ACACA: variants seen among roughly 807,000 people sequenced by gnomAD.
ACACA encodes the protein acetyl-CoA carboxylase 1.
A neutral mutation model predicts 296.1 loss-of-function variants in ACACA; 103 were observed. The observed-to-expected ratio is 0.35, with a 90% CI of 0.30 to 0.41. The LOEUF is 0.41. Ranked by LOEUF, ACACA falls within the 10% of genes least tolerant of loss-of-function variation. The pLI, the probability that ACACA is intolerant of heterozygous loss-of-function variation, is 1.00. For missense variants in ACACA, 1,554 were observed against 2,989.7 expected (o/e 0.52, Z 11.20); for synonymous variants, 953 against 1,038.6 (o/e 0.92, Z 1.58).
intron 3 of ACACA, among the ~76,000 whole-genome samples, chr17:37,309,533 G>A (rs2084036352): frequency 6.6e-6 from 1 of 152,160 alleles, no homozygotes; most frequent in African/African-American, 2.4e-5. Flanking sequence ...CCTCTTTGGG[G>A]AAATGATATT....
intron 1 of ACACA, among the ~76,000 whole-genome samples, chr17:37,390,545 T>A (rs928919596): frequency 8.1e-5 from 12 of 148,940 alleles, no homozygotes; most frequent in Non-Finnish European, 1.8e-4. Context: ...GAGAATTGCT[T>A]GAACCCAGGA....
At chr17:37,396,111 G>A (rs968944579) in intron 1 of ACACA, among the ~76,000 whole-genome samples, 1 of 152,038 alleles carries the variant, frequency 6.6e-6, no homozygotes, top group African/African-American at 2.4e-5. Flanking sequence ...GGGCCGAGTC[G>A]GGTGGATCAT....
At chr17:37,159,656 A>G (rs2076387650) in intron 42 of ACACA, among the ~76,000 whole-genome samples, 1 of 152,254 alleles carries the variant, frequency 6.6e-6, no homozygotes, top group Non-Finnish European at 1.5e-5. Context: ...AAGTTTTTCT[A>G]TGAACTTTAT....
chr17:37,165,886 A>T (rs2076647036), intron 41 of ACACA, among the ~76,000 whole-genome samples: 1 of 152,098 alleles, frequency 6.6e-6, no homozygotes, highest in Admixed American at 6.5e-5. Context: ...CATGTTGCCC[A>T]GGCTGGTCTC....
rs138157922 is a variant in ACACA at position 37,382,969 on chromosome 17, G to A, written c.38+23293C>T. ...GAAGAATGACTTGAACCCGGGAGGC[G>A]GAGGTTGCAGTGAGCCAAGATCACA... On this transcript the variant is annotated intron_variant, in intron 1 of 55. Coordinates refer to ENST00000616317, the MANE Select transcript of ACACA (RefSeq NM_198834.3). 4.6e-3 allele frequency among the ~76,000 whole-genome samples: 703 copies of A among 152,252 alleles called. 6 individuals carry two copies. The highest frequency in any genetic ancestry group is 0.016 in the African/African-American group (677 of 41,548).
intron 3 of ACACA, among the ~76,000 whole-genome samples, chr17:37,327,521 A>T (rs72828223): frequency 0.025 from 3,782 of 152,328 alleles, 58 homozygotes; most frequent in Non-Finnish European, 0.037. Context: ...ATGCAAAGAA[A>T]TTCCAGACAC....
At chr17:37,350,991 G>A (rs978274123) in intron 1 of ACACA, among the ~76,000 whole-genome samples, 3 of 149,098 alleles carry the variant, frequency 2.0e-5, no homozygotes, top group African/African-American at 7.4e-5. Context: ...AAATTAGAGG[G>A]GCGTGGTGGA....
chr17:37,376,509 G>A (rs2050008617), intron 1 of ACACA, among the ~76,000 whole-genome samples: 1 of 152,138 alleles, frequency 6.6e-6, no homozygotes, highest in Non-Finnish European at 1.5e-5. Context: ...TTTTAAGTTG[G>A]TACATGTAAA....
chr17:37,321,577 G>A (rs1023569831), intron 3 of ACACA, among the ~76,000 whole-genome samples: 2 of 151,952 alleles, frequency 1.3e-5, no homozygotes, highest in East Asian at 1.9e-4. Context: ...GAGAAACCCC[G>A]TCTCTACTAA....
At chr17:37,239,150 C>T (rs2080266455) in intron 24 of ACACA, among the ~76,000 whole-genome samples, 1 of 151,282 alleles carries the variant, frequency 6.6e-6, no homozygotes, top group Non-Finnish European at 1.5e-5. Flanking sequence ...TTTTTTTTTT[C>T]CTGAACTGCT....
Position 37,248,030 on chromosome 17 carries a change from T to C in ACACA, c.2290A>G (p.Met764Val). 3 of 1,614,178 alleles carry C rather than the reference T, an allele frequency of 1.9e-6. No individual in the cohort carries two copies. Among genetic ancestry groups the C allele is most frequent in the Non-Finnish European group, 1.7e-6 (2 of 1,180,032 alleles). The part of the protein sequence containing the change: ...SYDGSSYTTY[M>V]KEEVDRYRIT... ...ACTTACCTATCCACTTCCTCTTTCA[T>C]ATACGTAGTATAACTGCTGCCATCA... is the stretch of plus-strand genomic sequence containing the variant. The change falls in exon 18 of 56, where the codon ATG (methionine) becomes GTG (valine). Residue 764 changes from methionine (M) to valine (V), a missense_variant. Around this residue, in one of 16 missense-constraint regions of ACACA, gnomAD observed 316 missense variants for 540.9 expected, o/e 0.58. Coordinates refer to ENST00000616317, the MANE Select transcript of ACACA (RefSeq NM_198834.3).
At chr17:37,244,295 G>A (rs1019093241) in intron 21 of ACACA, among the ~76,000 whole-genome samples, 11 of 152,074 alleles carry the variant, frequency 7.2e-5, no homozygotes, top group Non-Finnish European at 1.5e-4. Flanking sequence ...GAACCCAGGA[G>A]GTGGAGGTTG....
chr17:37,124,985 C>T (rs1389182034), intron 48 of ACACA, among the ~76,000 whole-genome samples: 2 of 152,158 alleles, frequency 1.3e-5, no homozygotes, highest in Non-Finnish European at 2.9e-5. Flanking sequence ...GCTCCAGATG[C>T]GGTCCCTCAG....
At chr17:37,111,015 G>A (rs2073943498) in intron 52 of ACACA, among the ~76,000 whole-genome samples, 1 of 152,090 alleles carries the variant, frequency 6.6e-6, no homozygotes, top group Admixed American at 6.6e-5. Flanking sequence ...CATTAAGCAC[G>A]CCTGCTCTCA....
At chr17:37,293,061 AT>A (rs1478175499) in intron 3 of ACACA, among the ~76,000 whole-genome samples, 1 of 152,132 alleles carries the variant, frequency 6.6e-6, no homozygotes, top group Admixed American at 6.6e-5. Context: ...TACAATACTT[AT>A]TTTTACTTTA....
chr17:37,317,887 T>C (rs2047169256), intron 3 of ACACA, among the ~76,000 whole-genome samples: 1 of 152,040 alleles, frequency 6.6e-6, no homozygotes, highest in South Asian at 2.1e-4. Flanking sequence ...GGATGGGAGA[T>C]GGAAAGAGGA....
intron 41 of ACACA, among the ~76,000 whole-genome samples, chr17:37,173,626 T>C (rs2076956174): frequency 6.6e-6 from 1 of 152,182 alleles, no homozygotes; most frequent in South Asian, 2.1e-4. Context: ...AATAAAAAAA[T>C]TAATGAGATG....
chr17:37,150,555 C>A (rs1246781558), intron 44 of ACACA, among the ~76,000 whole-genome samples: 4 of 147,672 alleles, frequency 2.7e-5, no homozygotes, highest in Non-Finnish European at 6.0e-5. Flanking sequence ...AAAAAAAAGA[C>A]CTACTTGGGC....
rs1449022156 is a variant in ACACA at position 37,087,061 on chromosome 17, G to A, written c.*255C>T. 5.1e-6 allele frequency: 3 copies of A among 588,126 alleles called. No individual in the cohort carries two copies. The Admixed American group carries it at 8.4e-5, about 17-fold the overall frequency. The allele number at this position is 588,126 out of a possible 1,614,324, so 36.4% of individuals were successfully genotyped here. On this transcript the variant is annotated 3_prime_UTR_variant, in exon 56 of 56. Coordinates refer to ENST00000616317, the MANE Select transcript of ACACA (RefSeq NM_198834.3). ...TACCTTTCATTGCCTTCTCAGTCCTGTGCAGGGAGTGGAGGACTAGGCCTG... is the reference window on the plus strand; with the variant it reads ...TACCTTTCATTGCCTTCTCAGTCCTATGCAGGGAGTGGAGGACTAGGCCTG...
Sources: allele counts gnomAD v4.1 joint callset (sites outside exome capture counted in the v4.1 genomes callset), GRCh38; gene constraint gnomAD v4.1.1; regional missense constraint gnomAD v4.1.1; transcripts MANE v1.5; gene names NCBI Gene and HGNC (gene_info 2026-07-23, HGNC 2026-07-21).